Variants in FAM219A observed in about 807,000 individuals in gnomAD.
FAM219A encodes protein FAM219A.
FAM219A carries 7 observed loss-of-function variants against 23.4 expected under a neutral mutation model. The observed-to-expected ratio is 0.30, with a 90% CI of 0.17 to 0.56. The LOEUF is 0.56. Ranked by LOEUF, FAM219A falls within the 20% of genes least tolerant of loss-of-function variation. The pLI, the probability that FAM219A is intolerant of heterozygous loss-of-function variation, is 0.92. For synonymous variants in FAM219A, 93 were observed against 99.0 expected (o/e 0.94, Z 0.36); for missense variants, 166 against 246.9 (o/e 0.67, Z 2.20).
rs1208874523 is a variant in FAM219A, at chr9:34,457,011, G to A, written c.60+1193C>T. 6.6e-6 allele frequency among the ~76,000 whole-genome samples: 1 copy of A among 152,156 alleles called. No homozygotes were observed. Among genetic ancestry groups the A allele is most frequent in the Admixed American group, 6.5e-5 (1 of 15,286 alleles). On this transcript the variant is annotated intron_variant, in intron 1 of 5. Coordinates refer to ENST00000651358, the MANE Select transcript of FAM219A (RefSeq NM_001184940.2). This position sits in a 1 kb window ranked among gnomAD's most constrained non-coding sequence, Gnocchi z 5.1. ...CACATCTGTCAGCCAGGGGGTTATA[G>A]GCCCAAGGGTAGACCTGTTTCTGGC...
Position 34,458,409 on chromosome 9 carries a change from G to C in FAM219A, c.-146C>G. ...GGCGGGCAGGGGCCGGGCGGATGCA[G>C]GGGTGGGCGGGGGCGAGAGGTTCGC... On this transcript the variant is annotated 5_prime_UTR_variant, in exon 1 of 6. Coordinates refer to ENST00000651358, the MANE Select transcript of FAM219A (RefSeq NM_001184940.2). The surrounding 1 kb of genome is among the most constrained non-coding windows in gnomAD (Gnocchi z 6.6). The C allele has an allele frequency of 2.4e-6, 1 of 418,286 alleles. No homozygotes were observed. The highest frequency in any genetic ancestry group is 3.8e-6 in the Non-Finnish European group (1 of 262,184). The allele number at this position is 418,286 out of a possible 1,614,324, so 25.9% of individuals were successfully genotyped here.
At chr9:34,402,883 C>G (rs1821502080) in intron 2 of FAM219A, 76 bp from the exon 3 acceptor site, 1 of 1,362,032 alleles carries the variant, frequency 7.3e-7, no homozygotes, top group African/African-American at 1.4e-5. Context: ...GCAGCCTGGG[C>G]TGGGCCTCCA....
chr9:34,432,507 T>A (rs1474652472), intron 1 of FAM219A, among the ~76,000 whole-genome samples: 1 of 152,230 alleles, frequency 6.6e-6, no homozygotes, highest in Non-Finnish European at 1.5e-5. Flanking sequence ...CTCTATCTGT[T>A]TTGACTGCCC....
chr9:34,458,276 C>A lies in FAM219A; in HGVS notation c.-13G>T, dbSNP rs780915027. 5 of 1,531,544 alleles carry A rather than the reference C, an allele frequency of 3.3e-6. No homozygotes were observed. The Admixed American group carries it at 7.7e-5, about 24-fold the overall frequency. 94.9% of individuals were successfully genotyped at this position (1,531,544 alleles called of 1,614,324 possible). Reference sequence around the variant, plus strand: ...TCTCCTCCATCATGGTGCCGGCGGGCGAGCGGGCCAGGGGCCGGGCGCGGC... The same window carrying A: ...TCTCCTCCATCATGGTGCCGGCGGGAGAGCGGGCCAGGGGCCGGGCGCGGC... On this transcript the variant is annotated 5_prime_UTR_variant, in exon 1 of 6. Coordinates refer to ENST00000651358, the MANE Select transcript of FAM219A (RefSeq NM_001184940.2). The surrounding 1 kb of genome is among the most constrained non-coding windows in gnomAD (Gnocchi z 6.6).
At chr9:34,429,833 C>A (rs1344005638) in intron 1 of FAM219A, among the ~76,000 whole-genome samples, 1 of 152,192 alleles carries the variant, frequency 6.6e-6, no homozygotes, top group African/African-American at 2.4e-5. Flanking sequence ...CTGCTTCAGG[C>A]CTTGAAACCT....
intron 4 of FAM219A, among the ~76,000 whole-genome samples, chr9:34,402,089 A>G (rs1821462702): frequency 6.6e-6 from 1 of 151,906 alleles, no homozygotes; most frequent in Non-Finnish European, 1.5e-5. Context: ...TGGGGCATTA[A>G]GCATCATATT....
chr9:34,443,953 T>C (rs1823277652), intron 1 of FAM219A, among the ~76,000 whole-genome samples: 1 of 152,192 alleles, frequency 6.6e-6, no homozygotes, highest in Non-Finnish European at 1.5e-5. Context: ...CAATGTCTGC[T>C]ACATTAAATA....
intron 1 of FAM219A, among the ~76,000 whole-genome samples, chr9:34,409,653 A>C (rs1821757430): frequency 6.6e-6 from 1 of 152,228 alleles, no homozygotes; most frequent in Non-Finnish European, 1.5e-5. Flanking sequence ...TGGCTAGTGC[A>C]AAGCCAATAT....
At chr9:34,436,006 T>C (rs1822896824) in intron 1 of FAM219A, among the ~76,000 whole-genome samples, 1 of 152,082 alleles carries the variant, frequency 6.6e-6, no homozygotes, top group African/African-American at 2.4e-5. Context: ...GGTTTCACCA[T>C]GTTGATCAGG....
intron 1 of FAM219A, among the ~76,000 whole-genome samples, chr9:34,407,018 G>C (rs995560145): frequency 3.3e-5 from 5 of 152,008 alleles, no homozygotes; most frequent in Non-Finnish European, 5.9e-5. Flanking sequence ...GGCCAGGCTG[G>C]TCTCGAACTC....
chr9:34,446,536 T>A, intron 1 of FAM219A, among the ~76,000 whole-genome samples: 1 of 152,264 alleles, frequency 6.6e-6, no homozygotes, highest in East Asian at 1.9e-4. Context: ...CAGAGCAGTG[T>A]GTCTTCCTGG....
intron 1 of FAM219A, among the ~76,000 whole-genome samples, chr9:34,430,392 T>C (rs1035299280): frequency 1.5e-4 from 23 of 151,556 alleles, no homozygotes; most frequent in Admixed American, 6.6e-5. Context: ...AGAAAACACA[T>C]GCTGGGAGGC....
At chr9:34,440,948 A>G (rs1039657252) in intron 1 of FAM219A, among the ~76,000 whole-genome samples, 1 of 152,154 alleles carries the variant, frequency 6.6e-6, no homozygotes, top group African/African-American at 2.4e-5. Flanking sequence ...TATAGCACTT[A>G]GAGCCTTTAA....
At chr9:34,406,988 A>G (rs952143277) in intron 1 of FAM219A, among the ~76,000 whole-genome samples, 17 of 151,962 alleles carry the variant, frequency 1.1e-4, no homozygotes, top group African/African-American at 4.1e-4. Context: ...TTTTTAGTAG[A>G]GACGGGGTTT....
chr9:34,410,997 G>T (rs933883032), intron 1 of FAM219A, among the ~76,000 whole-genome samples: 3 of 152,196 alleles, frequency 2.0e-5, no homozygotes, highest in Non-Finnish European at 2.9e-5. Context: ...TAACTGTAAA[G>T]ATATCATTAG....
At chr9:34,430,160 C>T (rs995832291) in intron 1 of FAM219A, among the ~76,000 whole-genome samples, 5 of 152,130 alleles carry the variant, frequency 3.3e-5, no homozygotes, top group African/African-American at 1.2e-4. Context: ...CCTAGACCTA[C>T]AGGGCTGGTC....
Position 34,399,083 on chromosome 9 carries a change from T to G in FAM219A, c.*1881A>C, listed in dbSNP as rs996900708. ...CACTCCCTCCTCTCATTGCTCCCCA[T>G]TCCAGCTCCCACCTCCCAGGATTGG... On this transcript the variant is annotated 3_prime_UTR_variant, in exon 6 of 6. Transcript: ENST00000651358. The G allele has an allele frequency of 6.6e-6, 1 of 152,162 alleles. No individual in the cohort carries two copies. The highest frequency in any genetic ancestry group is 2.4e-5 in the African/African-American group (1 of 41,378). 9.4% of individuals were successfully genotyped at this position (152,162 alleles called of 1,614,324 possible).
Position 34,400,247 on chromosome 9 carries a change from T to G in FAM219A, c.*717A>C, listed in dbSNP as rs1588026076. 6.6e-6 allele frequency: 1 copy of G among 151,506 alleles called. No individual in the cohort carries two copies. The highest frequency in any genetic ancestry group is 2.4e-5 in the African/African-American group (1 of 41,118). The allele number at this position is 151,506 out of a possible 1,614,324, so 9.4% of individuals were successfully genotyped here. On this transcript the variant is annotated 3_prime_UTR_variant, in exon 6 of 6. Coordinates refer to ENST00000651358, the MANE Select transcript of FAM219A (RefSeq NM_001184940.2). Reference sequence around the variant, plus strand: ...GGTGGCAGACAGATAGATGCATTGGTGAGGGGCCAATTAGGACAGATCACA... The same window carrying G: ...GGTGGCAGACAGATAGATGCATTGGGGAGGGGCCAATTAGGACAGATCACA...
chr9:34,442,610 G>T (rs1823219233), intron 1 of FAM219A, among the ~76,000 whole-genome samples: 1 of 151,846 alleles, frequency 6.6e-6, no homozygotes, highest in Admixed American at 6.6e-5. Context: ...GCTTGAACCT[G>T]GGAGGCAAAG....
Sources: allele counts gnomAD v4.1 joint callset (sites outside exome capture counted in the v4.1 genomes callset), GRCh38; gene constraint gnomAD v4.1.1; non-coding constraint Gnocchi (gnomAD v3.1); transcripts MANE v1.5; gene names NCBI Gene and HGNC (gene_info 2026-07-23, HGNC 2026-07-21).